The following FZD6 variants were observed in gnomAD, a reference collection of about 807,000 sequenced individuals.
The protein encoded by FZD6 is frizzled-6.
Under a neutral mutation model 61.4 loss-of-function variants are expected in FZD6, and 49 were observed. The observed-to-expected ratio is 0.80, with a 90% confidence interval of 0.63 to 1.01. The LOEUF (loss-of-function observed/expected upper bound fraction) is 1.01, where lower values mean the gene tolerates loss of function less well. Among genes scored for constraint, FZD6 ranks in the 50% least tolerant of loss-of-function variants. The pLI, the probability that FZD6 is intolerant of heterozygous loss-of-function variation, is 0.00. For missense variants in FZD6, 724 were observed against 848.2 expected (o/e 0.85, Z 1.82); for synonymous variants, 265 against 292.2 (o/e 0.91, Z 0.95).
At chr8:103,314,873 T>G (rs929046498) in intron 2 of FZD6, among the ~76,000 whole-genome samples, 19 of 152,330 alleles carry the variant, frequency 1.2e-4, no homozygotes, top group African/African-American at 4.1e-4. Context: ...GTTTATATGT[T>G]TTAAGGCTAT....
intron 4 of FZD6, among the ~76,000 whole-genome samples, chr8:103,326,766 T>C (rs2130336024): frequency 6.6e-6 from 1 of 150,470 alleles, no homozygotes; most frequent in Admixed American, 6.6e-5. Context: ...GCATATGACA[T>C]CATAGCTGAA....
chr8:103,330,040 T>C lies in FZD6; in HGVS notation c.1927T>C (p.Ser643Pro). The change falls in exon 6 of 7, where the codon TCT becomes CCT. Residue 643 changes from serine (S) to proline (P), a missense_variant. Physicochemically the swap from Ser to Pro is moderately conservative, Grantham distance 74 (BLOSUM62 -1). Transcript: ENST00000358755. ...CGGGAAGGGCCAGGCAGGCAGTGTA[T>C]CTGAAAGTGCGCGGAGTGAAGGAAG... Reference protein sequence around the residue: ...VDGKGQAGSVSESARSEGRIS... With the variant: ...VDGKGQAGSVPESARSEGRIS... 6.2e-7 allele frequency: 1 copy of C among 1,614,170 alleles called. No homozygotes were observed. The highest frequency in any genetic ancestry group is 1.6e-4 in the Middle Eastern group (1 of 6,062).
At chr8:103,320,437 A>G (rs1465719299) in intron 3 of FZD6, among the ~76,000 whole-genome samples, 1 of 152,132 alleles carries the variant, frequency 6.6e-6, no homozygotes. Flanking sequence ...AGATGGATTC[A>G]GTGCAAAGAT....
chr8:103,313,760 CTGTGTGTGTGTGTGTG>C (rs58157848), intron 2 of FZD6, among the ~76,000 whole-genome samples: 2,012 of 142,840 alleles, frequency 0.014, 53 homozygotes, highest in African/African-American at 0.049. Context: ...CTTGATTTTT[CTGTGTGTGTGTGTGTG>C]TGTGTGTGTG....
In FZD6 at chr8:103,318,668, A is replaced by G. The variant is rs776955040; in HGVS notation, c.256A>G (p.Ile86Val). 6.2e-6 allele frequency: 10 copies of G among 1,606,204 alleles called. No individual in the cohort carries two copies. The highest frequency in any genetic ancestry group is 2.2e-5 in the East Asian group (1 of 44,850). Reference sequence around the variant, plus strand: ...CTGCAAAGCATTTGTACCAACCTGCATAGAACAAATTCATGTGGTTCCACC... The same window carrying G: ...CTGCAAAGCATTTGTACCAACCTGCGTAGAACAAATTCATGTGGTTCCACC... ...FLCKAFVPTC[I>V]EQIHVVPPCR... Residue 86 changes from isoleucine (I) to valine (V), a missense_variant, in exon 3 of 7, where the codon ATA (isoleucine) becomes GTA (valine). Transcript: ENST00000358755.
intron 3 of FZD6, among the ~76,000 whole-genome samples, chr8:103,323,742 T>C (rs827552): frequency 0.5 from 76,659 of 151,998 alleles, 19,957 homozygotes; most frequent in African/African-American, 0.62. Flanking sequence ...AAACCTCCAA[T>C]ACTTTTTAAA....
chr8:103,326,402 G>C (rs1049745185), intron 4 of FZD6, among the ~76,000 whole-genome samples: 1 of 152,032 alleles, frequency 6.6e-6, no homozygotes, highest in Non-Finnish European at 1.5e-5. Context: ...ATAAGAGGCT[G>C]TGTCTTAAAG....
At chr8:103,318,892 A>G in intron 3 of FZD6, 106 bp downstream of exon 3, 1 of 752,258 alleles carries the variant, frequency 1.3e-6, no homozygotes, top group Non-Finnish European at 2.4e-6. Flanking sequence ...ATAAATGTTT[A>G]TTACACACTT....
intron 2 of FZD6, among the ~76,000 whole-genome samples, chr8:103,316,697 G>T (rs1270045319): frequency 6.6e-6 from 1 of 151,940 alleles, no homozygotes; most frequent in African/African-American, 2.4e-5. Context: ...TTTTCTTCTA[G>T]CTTCTGATAT....
chr8:103,302,901 T>C (rs934912260), intron 2 of FZD6, among the ~76,000 whole-genome samples: 1 of 152,152 alleles, frequency 6.6e-6, no homozygotes, highest in Non-Finnish European at 1.5e-5. Context: ...GAGGCTGCAG[T>C]GAGCTATGAT....
intron 3 of FZD6, among the ~76,000 whole-genome samples, chr8:103,318,988 A>T (rs1441804229): frequency 1.3e-5 from 2 of 152,254 alleles, no homozygotes; most frequent in Non-Finnish European, 2.9e-5. Context: ...CAGGGAACTT[A>T]CAGTGAGGTG....
At chr8:103,301,559 A>T (rs1359075943) in intron 2 of FZD6, among the ~76,000 whole-genome samples, 1 of 152,168 alleles carries the variant, frequency 6.6e-6, no homozygotes, top group African/African-American at 2.4e-5. Flanking sequence ...TGGTAACTAC[A>T]TACATTTTAA....
chr8:103,299,731 T>G (rs1249455523), intron 1 of FZD6, among the ~76,000 whole-genome samples: 2 of 152,196 alleles, frequency 1.3e-5, no homozygotes, highest in Admixed American at 1.3e-4. Context: ...AACCCTGTCT[T>G]CCATACAGCA....
Position 103,300,039 on chromosome 8 carries a change from T to C in FZD6, c.-69T>C. On this transcript the variant is annotated 5_prime_UTR_variant, in exon 2 of 7. An upstream start codon of the reference 5' UTR is lost. Transcript: ENST00000358755. ...GGAATTTGAACATTTTATCTTTGGATGGGGATCTTCTGAGGATGCAAAGAG... is the reference window on the plus strand; with the variant it reads ...GGAATTTGAACATTTTATCTTTGGACGGGGATCTTCTGAGGATGCAAAGAG... The C allele has an allele frequency of 3.3e-6, 3 of 920,116 alleles. No individual in the cohort carries two copies. In the East Asian group the frequency reaches 7.2e-5, roughly 22 times the overall value. The allele number at this position is 920,116 out of a possible 1,614,324, so 57.0% of individuals were successfully genotyped here. A position where few individuals can be genotyped will look rare whatever the true frequency, so the allele number is the denominator to read the frequency against.
Position 103,329,917 on chromosome 8 carries a change from GCGGA to G in FZD6, c.1809_1812del (p.Asp603GlufsTer7), listed in dbSNP as rs1263812021. The G allele has an allele frequency of 3.1e-6, 5 of 1,614,160 alleles. No individual in the cohort carries two copies. The highest frequency in any genetic ancestry group is 1.3e-5 in the African/African-American group (1 of 75,034). ...AGAAACATCAATGAGAGAGGTGAAA[GCGGA>G]CGGAGCTAGCACCCCCAGGTTAAGA... On this transcript the variant is annotated frameshift_variant, in exon 6 of 7. Transcript: ENST00000358755. LOFTEE classifies it high-confidence loss of function.
chr8:103,331,143 G>T (rs1048135025), intron 6 of FZD6, among the ~76,000 whole-genome samples, 198 bp from the exon 7 acceptor site: 1 of 151,898 alleles, frequency 6.6e-6, no homozygotes, highest in African/African-American at 2.4e-5. Flanking sequence ...CGCTATTATT[G>T]CACTCCAGCC....
chr8:103,298,649 G>A (rs1814039886), upstream of FZD6: 1 of 152,204 alleles, frequency 6.6e-6, no homozygotes, highest in Non-Finnish European at 1.5e-5. Context: ...CAAGGTGGAG[G>A]TGGCTTCCCG....
chr8:103,311,081 A>G (rs1212188378), intron 2 of FZD6, among the ~76,000 whole-genome samples: 2 of 152,166 alleles, frequency 1.3e-5, no homozygotes, highest in Non-Finnish European at 2.9e-5. Flanking sequence ...AACCGGGTTC[A>G]AAATGTAAGG....
chr8:103,315,565 A>G (rs1814604930), intron 2 of FZD6, among the ~76,000 whole-genome samples: 1 of 152,200 alleles, frequency 6.6e-6, no homozygotes, highest in African/African-American at 2.4e-5. Context: ...ACCACTCCGC[A>G]GTGACAGAAG....
Sources: gnomAD v4.1 joint callset for allele counts (sites outside exome capture counted in the v4.1 genomes callset) on GRCh38, gnomAD v4.1.1 for gene constraint, MANE v1.5 for transcripts, NCBI Gene and HGNC (gene_info 2026-07-23, HGNC 2026-07-21) for gene names.